Variants in XKR9 observed in about 807,000 individuals in gnomAD.
XKR9 encodes the protein XK-related protein 9.
Under a neutral mutation model 32.0 loss-of-function variants are expected in XKR9, and 32 were observed. The ratio of observed to expected loss-of-function variants is 1.00; its 90% CI spans 0.76 to 1.34. The LOEUF is 1.34. Among genes scored for constraint, XKR9 ranks in the 40% most tolerant of loss-of-function variants. XKR9 has a pLI of 0.00. For synonymous variants in XKR9, 168 were observed against 143.4 expected (o/e 1.17, Z -1.22); for missense variants, 546 against 429.7 (o/e 1.27, Z -2.39).
intron 2 of XKR9, among the ~76,000 whole-genome samples, chr8:70,743,675 T>G (rs1473282313): frequency 6.6e-6 from 1 of 152,216 alleles, no homozygotes; most frequent in Non-Finnish European, 1.5e-5. Context: ...AATTAATATA[T>G]GAAGTGAGAC....
the XKR9 span, among the ~76,000 whole-genome samples, chr8:70,960,874 GAAA>G: frequency 7.8e-6 from 1 of 128,474 alleles, no homozygotes; most frequent in Non-Finnish European, 1.6e-5. Flanking sequence ...CCTGTCTTAA[GAAA>G]AAAAAAAAAA....
At chr8:70,988,859 A>G in the XKR9 span, among the ~76,000 whole-genome samples, 1 of 151,446 alleles carries the variant, frequency 6.6e-6, no homozygotes, top group Admixed American at 6.6e-5. Context: ...CCACTTTTCT[A>G]CCTCCTGTTT....
Position 70,734,475 on chromosome 8 carries a change from A to T in XKR9, c.*51A>T. 6.9e-7 allele frequency: 1 copy of T among 1,444,798 alleles called. No individual in the cohort carries two copies. Among genetic ancestry groups the T allele is most frequent in the Non-Finnish European group, 9.0e-7 (1 of 1,109,012 alleles). The allele number at this position is 1,444,798 out of a possible 1,614,324, so 89.5% of individuals were successfully genotyped here. A position where few individuals can be genotyped will look rare whatever the true frequency, so the allele number is the denominator to read the frequency against. ...CTTATATTTTGTTTCATTGGTTAGTAAAGAAAATGTGTGTTATGTGGGTGT... is the reference window on the plus strand; with the variant it reads ...CTTATATTTTGTTTCATTGGTTAGTTAAGAAAATGTGTGTTATGTGGGTGT... On this transcript the variant is annotated 3_prime_UTR_variant, in exon 5 of 5. Transcript: ENST00000408926.
At chr8:70,781,038 G>A (rs957040422) in intron 2 of XKR9, 1 of 151,642 alleles carries the variant, frequency 6.6e-6, no homozygotes, top group African/African-American at 2.4e-5. Context: ...TCGGACCAAC[G>A]ATTCTCTTCC....
chr8:70,994,134 T>C, the XKR9 span, among the ~76,000 whole-genome samples: 1 of 152,300 alleles, frequency 6.6e-6, no homozygotes, highest in East Asian at 1.9e-4. Flanking sequence ...CAGTTTGTGG[T>C]ATTTTGTTAG....
At chr8:70,783,293 C>T (rs554183765) in intron 2 of XKR9, among the ~76,000 whole-genome samples, 1 of 150,906 alleles carries the variant, frequency 6.6e-6, no homozygotes, top group Admixed American at 6.6e-5. Context: ...GTGGCATGAT[C>T]TTGGCTCACT....
the XKR9 span, among the ~76,000 whole-genome samples, chr8:71,035,540 C>A: frequency 8.5e-5 from 13 of 152,274 alleles, no homozygotes; most frequent in Middle Eastern, 3.4e-3. Flanking sequence ...AATTTGGTGG[C>A]AGAATTGCTG....
At chr8:70,741,112 T>C (rs1586878024) in intron 2 of XKR9, among the ~76,000 whole-genome samples, 1 of 152,242 alleles carries the variant, frequency 6.6e-6, no homozygotes, top group Admixed American at 6.5e-5. Context: ...TGAGCTGTGG[T>C]GGGTTCCACC....
chr8:70,708,141 A>G (rs1805784855), intron 4 of XKR9, among the ~76,000 whole-genome samples: 1 of 152,026 alleles, frequency 6.6e-6, no homozygotes, highest in Non-Finnish European at 1.5e-5. Flanking sequence ...GATTGTGTGT[A>G]TGAGATCTCT....
At chr8:70,884,451 T>A in the XKR9 span, among the ~76,000 whole-genome samples, 1 of 152,214 alleles carries the variant, frequency 6.6e-6, no homozygotes, top group Non-Finnish European at 1.5e-5. Flanking sequence ...TTATCACCTA[T>A]CCCAACATTA....
the XKR9 span, among the ~76,000 whole-genome samples, chr8:70,977,395 A>G: frequency 6.6e-6 from 1 of 152,130 alleles, no homozygotes; most frequent in African/African-American, 2.4e-5. Flanking sequence ...AGTGCTATGA[A>G]TTTCCCTCTA....
the XKR9 span, among the ~76,000 whole-genome samples, chr8:70,818,124 T>A: frequency 6.6e-6 from 1 of 152,204 alleles, no homozygotes; most frequent in South Asian, 2.1e-4. Context: ...ATAGTTAAAC[T>A]GAAGGGCTTC....
At chr8:70,839,026 A>G in the XKR9 span, among the ~76,000 whole-genome samples, 1 of 152,010 alleles carries the variant, frequency 6.6e-6, no homozygotes, top group South Asian at 2.1e-4. Context: ...ACCTCCCATT[A>G]TGAGGTAAGA....
At chr8:70,773,326 A>T (rs1159210335) in intron 2 of XKR9, among the ~76,000 whole-genome samples, 6 of 152,228 alleles carry the variant, frequency 3.9e-5, no homozygotes, top group Non-Finnish European at 8.8e-5. Context: ...TTATGCGTTA[A>T]CAAATTGGTT....
the XKR9 span, among the ~76,000 whole-genome samples, chr8:71,060,161 T>TTTCTTCAGAAAA: frequency 6.6e-6 from 1 of 152,222 alleles, no homozygotes; most frequent in East Asian, 1.9e-4. Flanking sequence ...TTTCTTCAGA[T>TTTCTTCAGAAAA]ACCTCCAGTT....
At chr8:70,720,235 C>G (rs945756751) in intron 4 of XKR9, among the ~76,000 whole-genome samples, 1 of 152,126 alleles carries the variant, frequency 6.6e-6, no homozygotes, top group Non-Finnish European at 1.5e-5. Context: ...ACAATCATGT[C>G]ACCTGCAAAC....
chr8:70,902,250 G>T, the XKR9 span, among the ~76,000 whole-genome samples: 1 of 152,156 alleles, frequency 6.6e-6, no homozygotes, highest in South Asian at 2.1e-4. Context: ...GGGCAGTATG[G>T]CCATTTTCAC....
chr8:70,750,366 A>T (rs1462706866), intron 2 of XKR9, among the ~76,000 whole-genome samples: 1 of 152,128 alleles, frequency 6.6e-6, no homozygotes, highest in East Asian at 1.9e-4. Context: ...AAATCATCTG[A>T]TTCCACTTTG....
At chr8:70,802,088 C>G in the XKR9 span, among the ~76,000 whole-genome samples, 9 of 152,124 alleles carry the variant, frequency 5.9e-5, no homozygotes, top group South Asian at 1.9e-3. Flanking sequence ...AGGCGCCCAC[C>G]ACCACGCCCG....
Sources: gnomAD v4.1 joint callset for allele counts (sites outside exome capture counted in the v4.1 genomes callset) on GRCh38, gnomAD v4.1.1 for gene constraint, MANE v1.5 for transcripts, NCBI Gene and HGNC (gene_info 2026-07-23, HGNC 2026-07-21) for gene names.